BBS5: variants seen among roughly 807,000 people sequenced by gnomAD.
The protein encoded by BBS5 is BBSome complex member BBS5.
Under a neutral mutation model 50.2 loss-of-function variants are expected in BBS5, and 39 were observed. The ratio of observed to expected loss-of-function variants is 0.78; its 90% CI spans 0.60 to 1.01. The LOEUF (loss-of-function observed/expected upper bound fraction) is 1.01, where lower values mean the gene tolerates loss of function less well. Among genes scored for constraint, BBS5 ranks in the 50% least tolerant of loss-of-function variants. The pLI is 0.00. For synonymous variants in BBS5, 134 were observed against 133.1 expected (o/e 1.01, Z -0.05); for missense variants, 356 against 401.5 (o/e 0.89, Z 0.97).
rs543814279 is a variant in BBS5, at chr2:169,505,864, C to T, written c.*1282C>T. Reference sequence around the variant, plus strand: ...CCCCCGTCCGGCCAGCCGCCCCGTCCGGGAGGTGAGGGGCGCCTCTGCCCA... The same window carrying T: ...CCCCCGTCCGGCCAGCCGCCCCGTCTGGGAGGTGAGGGGCGCCTCTGCCCA... On this transcript the variant is annotated 3_prime_UTR_variant, in exon 12 of 12. Coordinates refer to ENST00000295240, the MANE Select transcript of BBS5 (RefSeq NM_152384.3). 109 of 154,708 alleles carry T rather than the reference C, an allele frequency of 7.0e-4. No homozygotes were observed. In the East Asian group the frequency reaches 0.013, roughly 19 times the overall value. The allele number at this position is 154,708 out of a possible 1,614,324, so 9.6% of individuals were successfully genotyped here.
chr2:169,502,972 C>A (rs1425226582), intron 9 of BBS5, 123 bp from the exon 10 acceptor site: 4 of 760,018 alleles, frequency 5.3e-6, no homozygotes, highest in African/African-American at 1.8e-5. Flanking sequence ...AATAAAATAA[C>A]AAATTATACC....
intron 8 of BBS5, among the ~76,000 whole-genome samples, chr2:169,498,004 T>C (rs897186695): frequency 3.9e-5 from 6 of 152,130 alleles, no homozygotes; most frequent in Non-Finnish European, 5.9e-5. Context: ...CTACTATTTT[T>C]CCCCCATTTT....
At chr2:169,501,513 G>A (rs1450316176) in intron 9 of BBS5, among the ~76,000 whole-genome samples, 11 of 152,238 alleles carry the variant, frequency 7.2e-5, no homozygotes, top group African/African-American at 2.2e-4. Context: ...AATCACGTGA[G>A]GCCAGGAGTT....
Position 169,479,531 on chromosome 2 carries a change from T to G in BBS5, c.-23T>G. ...CTAGGCCTGCACGGCTGTGGAGAGA[T>G]CCTGCCACGGGCCTTGTTCACCATG... On this transcript the variant is annotated 5_prime_UTR_variant, in exon 1 of 12. Transcript: ENST00000295240. 7 of 1,614,016 alleles carry G rather than the reference T, an allele frequency of 4.3e-6. No individual in the cohort carries two copies. The highest frequency in any genetic ancestry group is 5.9e-6 in the Non-Finnish European group (7 of 1,179,894).
intron 7 of BBS5, among the ~76,000 whole-genome samples, chr2:169,495,491 C>T (rs1327917888): frequency 2.0e-5 from 3 of 151,968 alleles, no homozygotes; most frequent in Non-Finnish European, 2.9e-5. Context: ...TCTGTCACTG[C>T]GGCAGTCATA....
rs760269829 is a variant in BBS5 at position 169,479,540 on chromosome 2, G to C, written c.-14G>C. 8.7e-6 allele frequency: 14 copies of C among 1,614,138 alleles called. No individual in the cohort carries two copies. Among genetic ancestry groups the C allele is most frequent in the East Asian group, 6.7e-5 (3 of 44,868 alleles). On this transcript the variant is annotated 5_prime_UTR_variant, in exon 1 of 12. Transcript: ENST00000295240. ...CACGGCTGTGGAGAGATCCTGCCAC[G>C]GGCCTTGTTCACCATGTCGGTGCTG...
intron 7 of BBS5, 89 bp from the exon 8 acceptor site, chr2:169,497,538 A>T (rs1277633293): frequency 7.4e-6 from 6 of 810,204 alleles, no homozygotes; most frequent in Non-Finnish European, 1.3e-5. Context: ...ATGAAAAGTA[A>T]ATACTGTGTA....
At chr2:169,487,688 C>CTA (rs1683509870) in intron 3 of BBS5, 118 bp from the exon 4 acceptor site, 7 of 658,680 alleles carry the variant, frequency 1.1e-5, no homozygotes, top group Non-Finnish European at 1.6e-5. Flanking sequence ...AAGTTTATTT[C>CTA]TATATATGTT....
intron 2 of BBS5, among the ~76,000 whole-genome samples, chr2:169,486,022 T>TC (rs1289576332): frequency 1.3e-5 from 2 of 152,266 alleles, no homozygotes; most frequent in Non-Finnish European, 2.9e-5. Flanking sequence ...TACCTAGTCT[T>TC]CTATGATCTT....
At chr2:169,482,390 C>A in intron 2 of BBS5, 57 bp downstream of exon 2, 1 of 1,087,294 alleles carries the variant, frequency 9.2e-7, no homozygotes, top group Middle Eastern at 2.0e-4. Flanking sequence ...AATGTTGAAT[C>A]ATATTAGCTA....
intron 7 of BBS5, among the ~76,000 whole-genome samples, chr2:169,496,204 G>A (rs1270817363): frequency 6.6e-6 from 1 of 151,952 alleles, no homozygotes; most frequent in African/African-American, 2.4e-5. Flanking sequence ...GGTACATTTT[G>A]TGTGACTTCT....
chr2:169,493,708 A>G (rs772907390), intron 6 of BBS5, 33 bp from the exon 7 acceptor site: 1 of 1,425,936 alleles, frequency 7.0e-7, no homozygotes. Flanking sequence ...CAAAAAAATG[A>G]TCATTTCGGT....
chr2:169,480,195 C>A (rs926067002), intron 1 of BBS5, among the ~76,000 whole-genome samples: 1 of 152,172 alleles, frequency 6.6e-6, no homozygotes, highest in South Asian at 2.1e-4. Context: ...CAGTCACCAA[C>A]AAGAAGGAGT....
intron 8 of BBS5, among the ~76,000 whole-genome samples, chr2:169,498,161 A>T (rs1271822002): frequency 6.6e-6 from 1 of 152,218 alleles, no homozygotes; most frequent in Non-Finnish European, 1.5e-5. Flanking sequence ...TTGTGTACAC[A>T]CACACAGTTT....
At position 169,505,626 on chromosome 2, in the gene BBS5, G is replaced by A; in HGVS notation, c.*1044G>A. ...CCGGCCGCGACCCCATTTGGGAGGT[G>A]AGGAGCAACTCTGCCCAGCCGCCCC... On this transcript the variant is annotated 3_prime_UTR_variant, in exon 12 of 12. Coordinates refer to ENST00000295240, the MANE Select transcript of BBS5 (RefSeq NM_152384.3). 1 of 253,408 alleles carries A rather than the reference G, an allele frequency of 3.9e-6. No homozygotes were observed. Among genetic ancestry groups the A allele is most frequent in the Admixed American group, 5.0e-5 (1 of 19,880 alleles). 15.7% of individuals were successfully genotyped at this position (253,408 alleles called of 1,614,324 possible). A position where few individuals can be genotyped will look rare whatever the true frequency, so the allele number is the denominator to read the frequency against.
intron 8 of BBS5, among the ~76,000 whole-genome samples, chr2:169,498,543 C>T (rs568821157): frequency 3.4e-4 from 52 of 151,968 alleles, no homozygotes; most frequent in Non-Finnish European, 6.9e-4. Context: ...GGAGGCCGGG[C>T]GCAGTGGCTC....
chr2:169,505,262 T>C lies in BBS5; in HGVS notation c.*680T>C, dbSNP rs563883914. On this transcript the variant is annotated 3_prime_UTR_variant, in exon 12 of 12. Coordinates refer to ENST00000295240, the MANE Select transcript of BBS5 (RefSeq NM_152384.3). The stretch of plus-strand genomic sequence containing the variant: ...GGAGTCTGGTTCACTTAGTGCTCAA[T>C]GGTGCCCAGGCTGGAGTGCAGTGGC... The C allele has an allele frequency of 2.3e-6, 1 of 425,724 alleles. No homozygotes were observed. The highest frequency in any genetic ancestry group is 5.4e-5 in the East Asian group (1 of 18,454). 26.4% of individuals were successfully genotyped at this position (425,724 alleles called of 1,614,324 possible). A position where few individuals can be genotyped will look rare whatever the true frequency, so the allele number is the denominator to read the frequency against.
In BBS5 at chr2:169,492,905, TTTAAA is replaced by T; in HGVS notation, c.423_427del (p.Leu142LysfsTer19). 1 of 1,612,750 alleles carries T rather than the reference TTTAAA, an allele frequency of 6.2e-7. No homozygotes were observed. The highest frequency in any genetic ancestry group is 8.5e-7 in the Non-Finnish European group (1 of 1,179,096). Reference sequence around the variant, plus strand: ...TGAAACTTCTAAAATGTATCGTGATTTTAAATTAAGAAGTGCACTAATTCAGAACA... The same window carrying T: ...TGAAACTTCTAAAATGTATCGTGATTTTAAGAAGTGCACTAATTCAGAACA... On this transcript the variant is annotated frameshift_variant, in exon 6 of 12. Coordinates refer to ENST00000295240, the MANE Select transcript of BBS5 (RefSeq NM_152384.3). LOFTEE classifies it high-confidence loss of function.
At chr2:169,482,399 T>A in intron 2 of BBS5, 66 bp downstream of exon 2, 1 of 1,016,894 alleles carries the variant, frequency 9.8e-7, no homozygotes, top group Non-Finnish European at 1.6e-6. Context: ...TCATATTAGC[T>A]AGAGAATATA....
Sources: allele counts gnomAD v4.1 joint callset (sites outside exome capture counted in the v4.1 genomes callset), GRCh38; gene constraint gnomAD v4.1.1; transcripts MANE v1.5; gene names NCBI Gene and HGNC (gene_info 2026-07-23, HGNC 2026-07-21).